Variants in TASOR observed in about 807,000 individuals in gnomAD.
TASOR encodes the protein transcription activation suppressor, also known as protein TASOR.
A neutral mutation model predicts 178.6 loss-of-function variants in TASOR; 53 were observed. The ratio of observed to expected loss-of-function variants is 0.30; its 90% CI spans 0.24 to 0.37. The LOEUF is 0.37. Among genes scored for constraint, TASOR ranks in the 10% least tolerant of loss-of-function variants. TASOR has a pLI of 1.00. For missense variants in TASOR, 1,815 were observed against 1,971.4 expected (o/e 0.92, Z 1.50); for synonymous variants, 713 against 696.2 (o/e 1.02, Z -0.38).
At chr3:56,642,003 C>T (rs2077135114) in intron 14 of TASOR, among the ~76,000 whole-genome samples, 1 of 152,128 alleles carries the variant, frequency 6.6e-6, no homozygotes, top group Non-Finnish European at 1.5e-5. Flanking sequence ...TAAGCTCATG[C>T]ATTAGGTTTT....
intron 1 of TASOR, 69 bp downstream of exon 1, chr3:56,682,607 G>C: frequency 7.4e-7 from 1 of 1,347,058 alleles, no homozygotes; most frequent in Non-Finnish European, 9.9e-7. Context: ...GGGAAGAGGA[G>C]ATAGAAAGAT....
intron 7 of TASOR, chr3:56,664,401 T>C (rs2077663818): frequency 6.6e-6 from 1 of 152,208 alleles, no homozygotes; most frequent in Non-Finnish European, 1.5e-5. Context: ...GAAAACACTG[T>C]AGTGAAAGTA....
intron 3 of TASOR, among the ~76,000 whole-genome samples, chr3:56,670,940 C>CAAAACAAAAAAAAAAAAA (rs2030642643): frequency 1.8e-5 from 1 of 54,204 alleles, no homozygotes; most frequent in Admixed American, 2.7e-4. Context: ...GACTCCATCT[C>CAAAACAAAAAAAAAAAAA]AAAAAAAAAA....
intron 9 of TASOR, 94 bp downstream of exon 9, chr3:56,662,291 C>T: frequency 2.8e-6 from 2 of 705,896 alleles, no homozygotes; most frequent in Non-Finnish European, 4.8e-6. Flanking sequence ...TCTTATGAAC[C>T]AAAATAAAAT....
intron 1 of TASOR, among the ~76,000 whole-genome samples, chr3:56,677,600 G>A (rs1190802659): frequency 6.6e-6 from 1 of 152,000 alleles, no homozygotes; most frequent in East Asian, 1.9e-4. Context: ...AATATATGAT[G>A]TGTGTGTGCA....
At chr3:56,668,795 G>A (rs113471766) in intron 5 of TASOR, among the ~76,000 whole-genome samples, 17 of 152,112 alleles carry the variant, frequency 1.1e-4, no homozygotes, top group Non-Finnish European at 2.1e-4. Context: ...CCAACATGGC[G>A]AAACCGTCTC....
At chr3:56,628,806 G>C in intron 18 of TASOR, 192 bp from the exon 19 acceptor site, 1 of 416,496 alleles carries the variant, frequency 2.4e-6, no homozygotes, top group Non-Finnish European at 4.3e-6. Flanking sequence ...CATTGCCCAG[G>C]CTGGAGTATA....
chr3:56,671,633 T>C lies in TASOR; in HGVS notation c.537A>G (p.Glu179=). The C allele has an allele frequency of 6.5e-7, 1 of 1,550,014 alleles. No homozygotes were observed. The highest frequency in any genetic ancestry group is 1.2e-5 in the South Asian group (1 of 83,742). Residue 179 remains glutamate, a synonymous_variant, in exon 3 of 24, where the codon GAA becomes GAG. Coordinates refer to ENST00000683822, the MANE Select transcript of TASOR (RefSeq NM_001365635.2). ...GATCAACCATCAGAAATGCATAGGATTCTGAAAGTTCCTTATCTAAACGAC... is the reference window on the plus strand; with the variant it reads ...GATCAACCATCAGAAATGCATAGGACTCTGAAAGTTCCTTATCTAAACGAC... ...FDGRLDKELS[E]SYAFLMVDRY...
At position 56,671,600 on chromosome 3, in the gene TASOR, C is replaced by G; in HGVS notation, c.570G>C (p.Gln190His). ...TTTTTTATAAAATGCGTTAACTCAC[C>G]TGGTATCGATCAACCATCAGAAATG... is the stretch of plus-strand genomic sequence containing the variant. Reference protein sequence around the residue: ...SYAFLMVDRYQVQTICEKGLH... With the variant: ...SYAFLMVDRYHVQTICEKGLH... The change falls in exon 3 of 24, where the codon CAG becomes CAC. Residue 190 changes from glutamine (Q) to histidine (H), a missense_variant and splice_region_variant. By Grantham distance (24) the Gln-to-His change is conservative (BLOSUM62 0). Coordinates refer to ENST00000683822, the MANE Select transcript of TASOR (RefSeq NM_001365635.2). 1 of 1,544,116 alleles carries G rather than the reference C, an allele frequency of 6.5e-7. No homozygotes were observed. Among genetic ancestry groups the G allele is most frequent in the Non-Finnish European group, 8.7e-7 (1 of 1,143,096 alleles).
intron 11 of TASOR, among the ~76,000 whole-genome samples, chr3:56,659,478 T>A (rs2077546936): frequency 1.3e-5 from 2 of 152,090 alleles, no homozygotes; most frequent in Non-Finnish European, 2.9e-5. Context: ...TTTGACCCAA[T>A]CCCTCTACCC....
At chr3:56,639,170 GT>G (rs1180215569) in intron 16 of TASOR, among the ~76,000 whole-genome samples, 3 of 152,156 alleles carry the variant, frequency 2.0e-5, no homozygotes, top group Admixed American at 6.6e-5. Context: ...TCTTCTCAGA[GT>G]CCTCGGAAGT....
At chr3:56,675,006 T>C (rs2031155674) in intron 1 of TASOR, among the ~76,000 whole-genome samples, 1 of 152,178 alleles carries the variant, frequency 6.6e-6, no homozygotes, top group East Asian at 1.9e-4. Flanking sequence ...TGTGTGTTTT[T>C]AGTAGAGACG....
chr3:56,683,209 G>A lies in TASOR; in HGVS notation c.-203C>T. 1 of 522,690 alleles carries A rather than the reference G, an allele frequency of 1.9e-6. No homozygotes were observed. Among genetic ancestry groups the A allele is most frequent in the Non-Finnish European group, 3.3e-6 (1 of 301,794 alleles). The allele number at this position is 522,690 out of a possible 1,614,324, so 32.4% of individuals were successfully genotyped here. On this transcript the variant is annotated 5_prime_UTR_variant, in exon 1 of 24. Transcript: ENST00000683822. Reference sequence around the variant, plus strand: ...CCCCAAATGCGCTGCCCGGTCCTCGGAGCCGCTCCTCCCTCGGGCAGTTCT... The same window carrying A: ...CCCCAAATGCGCTGCCCGGTCCTCGAAGCCGCTCCTCCCTCGGGCAGTTCT...
intron 1 of TASOR, among the ~76,000 whole-genome samples, chr3:56,680,544 G>C (rs1303737624): frequency 1.3e-5 from 2 of 149,016 alleles, no homozygotes; most frequent in African/African-American, 5.0e-5. Flanking sequence ...ATTAAAATAT[G>C]AATGCAACAG....
chr3:56,633,545 A>G lies in TASOR; in HGVS notation c.3246T>C (p.His1082=). The change falls in exon 18 of 24, where the codon CAT becomes CAC. Residue 1082 remains histidine, a synonymous_variant. Coordinates refer to ENST00000683822, the MANE Select transcript of TASOR (RefSeq NM_001365635.2). Reference sequence around the variant, plus strand: ...TAATAATAATAGTATTTAGCTTCTCATGCAAACCATCTACAAACTCCTGCA... The same window carrying G: ...TAATAATAATAGTATTTAGCTTCTCGTGCAAACCATCTACAAACTCCTGCA... ...AGVQEFVDGL[H]EKLNTIIIKA... The G allele has an allele frequency of 6.2e-7, 1 of 1,614,170 alleles. No homozygotes were observed. The highest frequency in any genetic ancestry group is 1.1e-5 in the South Asian group (1 of 91,078).
intron 18 of TASOR, chr3:56,629,171 A>G (rs2076860547): frequency 6.6e-6 from 1 of 152,258 alleles, no homozygotes; most frequent in Non-Finnish European, 1.5e-5. Flanking sequence ...ACACAGTCAC[A>G]ATGTTACAGC....
rs1267461272 is a variant in TASOR at position 56,633,679 on chromosome 3, G to A, written c.3112C>T (p.Gln1038Ter). The stretch of plus-strand genomic sequence containing the variant: ...GTACTGACATATGAAACATTCTTTT[G>A]CTTCAAAATCTCTTCTATCTTCCTA... ...FSRKIEEILKQKNVSYVSTVS... is the reference protein window; with the variant it reads ...FSRKIEEILK Residue 1038 changes from glutamine (Q) to a stop codon, truncating the protein, a stop_gained, in exon 18 of 24, where the codon CAA (glutamine) becomes TAA (stop). Transcript: ENST00000683822. LOFTEE classifies it high-confidence loss of function. The A allele has an allele frequency of 6.2e-7, 1 of 1,614,050 alleles. No homozygotes were observed. The highest frequency in any genetic ancestry group is 8.5e-7 in the Non-Finnish European group (1 of 1,180,008).
rs1259479402 is a variant in TASOR, at chr3:56,621,050, G to C, written c.*1987C>G. ...GTGGTGGTGGGTGCCTGTAGTCCCAGCCATTCGGGAGGTTGAGGCAGGAGA... is the reference window on the plus strand; with the variant it reads ...GTGGTGGTGGGTGCCTGTAGTCCCACCCATTCGGGAGGTTGAGGCAGGAGA... On this transcript the variant is annotated 3_prime_UTR_variant, in exon 24 of 24. Transcript: ENST00000683822. 1 of 151,776 alleles carries C rather than the reference G, an allele frequency of 6.6e-6. No individual in the cohort carries two copies. The highest frequency in any genetic ancestry group is 1.5e-5 in the Non-Finnish European group (1 of 68,200). The allele number at this position is 151,776 out of a possible 1,614,324, so 9.4% of individuals were successfully genotyped here.
At chr3:56,647,320 A>ATGTT in intron 13 of TASOR, 97 bp from the exon 14 acceptor site, 3 of 948,928 alleles carry the variant, frequency 3.2e-6, no homozygotes, top group Non-Finnish European at 4.6e-6. Flanking sequence ...GTATAAAAAC[A>ATGTT]TTTATACATT....
Sources: allele counts gnomAD v4.1 joint callset (sites outside exome capture counted in the v4.1 genomes callset), GRCh38; gene constraint gnomAD v4.1.1; transcripts MANE v1.5; gene names NCBI Gene and HGNC (gene_info 2026-07-23, HGNC 2026-07-21).